Variants in PEBP4 observed in about 807,000 individuals in gnomAD.
PEBP4 encodes phosphatidylethanolamine-binding protein 4.
Under a neutral mutation model 23.9 loss-of-function variants are expected in PEBP4, and 22 were observed. That is an observed-to-expected ratio of 0.92 (90% CI 0.66 to 1.31). PEBP4 has a LOEUF of 1.31. Ranked by LOEUF, PEBP4 falls within the 40% of genes most tolerant of loss-of-function variation. The probability of loss-of-function intolerance (pLI) is 0.00; values close to 1 mark genes in which losing one functional copy is unlikely to be tolerated. For missense variants in PEBP4, 324 were observed against 281.7 expected (o/e 1.15, Z -1.07); for synonymous variants, 112 against 99.3 (o/e 1.13, Z -0.76).
Position 22,833,266 on chromosome 8 carries a change from G to A in PEBP4, c.259-15531C>T, listed in dbSNP as rs1056833802. Among the ~76,000 whole-genome samples, 4 of 152,236 alleles carry A rather than the reference G, an allele frequency of 2.6e-5. No individual in the cohort carries two copies. The East Asian group carries it at 5.8e-4, about 22-fold the overall frequency. On this transcript the variant is annotated intron_variant, in intron 3 of 6. Transcript: ENST00000256404. ...TAAAACAGGGCCCTTGACTCCTAAG[G>A]CTCAGTTATCCATCAAGCCTATCTG...
intron 3 of PEBP4, among the ~76,000 whole-genome samples, chr8:22,874,877 C>T (rs146301089): frequency 2.0e-5 from 3 of 152,196 alleles, no homozygotes; most frequent in African/African-American, 7.2e-5. Context: ...TTTTCTGATT[C>T]TTTGGTATTT....
intron 4 of PEBP4, among the ~76,000 whole-genome samples, chr8:22,770,889 C>T (rs73671280): frequency 0.016 from 2,487 of 152,314 alleles, 76 homozygotes; most frequent in African/African-American, 0.058. Context: ...GCTTCTGATG[C>T]TACCACTTTC....
chr8:22,871,218 A>G (rs781052035), intron 3 of PEBP4, among the ~76,000 whole-genome samples: 35 of 152,292 alleles, frequency 2.3e-4, no homozygotes, highest in Non-Finnish European at 4.6e-4. Context: ...AGAAGCGAAC[A>G]TCAAACAACC....
At chr8:22,723,324 C>T (rs1804557152) in intron 6 of PEBP4, among the ~76,000 whole-genome samples, 1 of 152,156 alleles carries the variant, frequency 6.6e-6, no homozygotes, top group Admixed American at 6.5e-5. Flanking sequence ...TCAGGAGCCC[C>T]AGCACGCAGA....
chr8:22,811,634 G>C (rs1806629756), intron 4 of PEBP4, among the ~76,000 whole-genome samples: 1 of 152,198 alleles, frequency 6.6e-6, no homozygotes, highest in South Asian at 2.1e-4. Flanking sequence ...ATCACACCTG[G>C]GCTGTGGCCT....
At chr8:22,863,110 G>A (rs537431633) in intron 3 of PEBP4, among the ~76,000 whole-genome samples, 1 of 152,248 alleles carries the variant, frequency 6.6e-6, no homozygotes, top group South Asian at 2.1e-4. Context: ...GACAGACTGG[G>A]ATTTAATACT....
intron 4 of PEBP4, among the ~76,000 whole-genome samples, chr8:22,815,860 T>G (rs956791831): frequency 4.0e-5 from 6 of 151,712 alleles, no homozygotes; most frequent in Non-Finnish European, 7.4e-5. Context: ...GAGTCGGGGG[T>G]CTTCAGGCTT....
intron 6 of PEBP4, among the ~76,000 whole-genome samples, chr8:22,722,698 C>T (rs1008961855): frequency 1.6e-4 from 25 of 152,182 alleles, no homozygotes; most frequent in African/African-American, 5.8e-4. Flanking sequence ...GTTCCCAGCA[C>T]AGCGCTGGGC....
intron 3 of PEBP4, among the ~76,000 whole-genome samples, chr8:22,866,977 G>A (rs1333887164): frequency 3.9e-5 from 6 of 152,082 alleles, no homozygotes; most frequent in Non-Finnish European, 7.4e-5. Context: ...GCAAAGGATC[G>A]GCAGGAGCAT....
chr8:22,739,123 C>T (rs1045236125), intron 4 of PEBP4, among the ~76,000 whole-genome samples: 1 of 149,594 alleles, frequency 6.7e-6, no homozygotes, highest in Non-Finnish European at 1.5e-5. Flanking sequence ...GTTACCCACC[C>T]AGGGGGCTGA....
chr8:22,915,461 C>T (rs1000921834), intron 3 of PEBP4, among the ~76,000 whole-genome samples: 9 of 151,858 alleles, frequency 5.9e-5, no homozygotes, highest in African/African-American at 2.2e-4. Context: ...TTGCTGGGTC[C>T]CGGCTCACTG....
At chr8:22,785,543 A>C (rs17088620) in intron 4 of PEBP4, among the ~76,000 whole-genome samples, 6 of 152,152 alleles carry the variant, frequency 3.9e-5, no homozygotes, top group Non-Finnish European at 7.4e-5. Context: ...CTCCCTGGCC[A>C]CAGATCCTGC....
chr8:22,857,365 C>A (rs1807676176), intron 3 of PEBP4, among the ~76,000 whole-genome samples: 1 of 152,206 alleles, frequency 6.6e-6, no homozygotes, highest in Admixed American at 6.5e-5. Context: ...CAATGCTATA[C>A]CCTTCTCTCA....
chr8:22,761,494 C>A (rs1585259207), intron 4 of PEBP4, among the ~76,000 whole-genome samples: 1 of 152,290 alleles, frequency 6.6e-6, no homozygotes, highest in Admixed American at 6.5e-5. Context: ...TGTCGGAGCC[C>A]CTTCTGCTCA....
chr8:22,875,524 T>G (rs1338696718), intron 3 of PEBP4, among the ~76,000 whole-genome samples: 1 of 152,186 alleles, frequency 6.6e-6, no homozygotes, highest in Non-Finnish European at 1.5e-5. Context: ...TGAGCCCCAC[T>G]CCTTTTTATT....
intron 5 of PEBP4, 141 bp downstream of exon 5, chr8:22,727,034 G>T: frequency 1.2e-6 from 1 of 853,346 alleles, no homozygotes; most frequent in Admixed American, 2.1e-5. Flanking sequence ...ATAAAAGGCA[G>T]TTGTGGAGAT....
intron 1 of PEBP4, among the ~76,000 whole-genome samples, chr8:22,936,664 A>C (rs1809544889): frequency 6.6e-6 from 1 of 152,202 alleles, no homozygotes; most frequent in South Asian, 2.1e-4. Context: ...AGAAAACCAC[A>C]AAGCAATATC....
At chr8:22,715,084 G>A (rs1177841997) in intron 6 of PEBP4, among the ~76,000 whole-genome samples, 1 of 152,256 alleles carries the variant, frequency 6.6e-6, no homozygotes. Flanking sequence ...CTTCGTAGTG[G>A]CAGGGATGGG....
chr8:22,887,503 T>C (rs1808407263), intron 3 of PEBP4, among the ~76,000 whole-genome samples: 1 of 150,784 alleles, frequency 6.6e-6, no homozygotes, highest in African/African-American at 2.4e-5. Flanking sequence ...TGGTGGTCCA[T>C]GCCTGTAATC....
Sources: allele counts gnomAD v4.1 joint callset (sites outside exome capture counted in the v4.1 genomes callset), GRCh38; gene constraint gnomAD v4.1.1; transcripts MANE v1.5; gene names NCBI Gene and HGNC (gene_info 2026-07-23, HGNC 2026-07-21).